SH3GL3: variants seen among roughly 807,000 people sequenced by gnomAD.
SH3GL3 encodes the protein endophilin-A3.
Under a neutral mutation model 47.7 loss-of-function variants are expected in SH3GL3, and 33 were observed. That is an observed-to-expected ratio of 0.69 (90% CI 0.52 to 0.92). The LOEUF (loss-of-function observed/expected upper bound fraction) is 0.92, where lower values mean the gene tolerates loss of function less well. Among genes scored for constraint, SH3GL3 ranks in the 40% least tolerant of loss-of-function variants. The pLI, the probability that SH3GL3 is intolerant of heterozygous loss-of-function variation, is 0.00. For missense variants in SH3GL3, 363 were observed against 417.8 expected (o/e 0.87, Z 1.14); for synonymous variants, 155 against 148.8 (o/e 1.04, Z -0.30).
At chr15:83,513,067 AGTT>A (rs1738039475) in intron 1 of SH3GL3, among the ~76,000 whole-genome samples, 1 of 152,130 alleles carries the variant, frequency 6.6e-6, no homozygotes, top group Non-Finnish European at 1.5e-5. Flanking sequence ...TTTGCACAAA[AGTT>A]GTACTTTTCC....
chr15:83,604,087 G>C (rs950680895), intron 8 of SH3GL3, among the ~76,000 whole-genome samples: 8 of 152,088 alleles, frequency 5.3e-5, no homozygotes, highest in African/African-American at 1.9e-4. Context: ...GTGAGGTTGT[G>C]GTGAGCCGAG....
chr15:83,494,973 C>T (rs774264888), intron 1 of SH3GL3, among the ~76,000 whole-genome samples: 2 of 152,128 alleles, frequency 1.3e-5, no homozygotes, highest in Non-Finnish European at 2.9e-5. Context: ...CACCTCCTCC[C>T]TCTCCCCCTT....
intron 1 of SH3GL3, among the ~76,000 whole-genome samples, chr15:83,558,322 T>G (rs1291077223): frequency 6.6e-6 from 1 of 152,228 alleles, no homozygotes; most frequent in Non-Finnish European, 1.5e-5. Context: ...AGAATCCCTG[T>G]GCTCTGGGCG....
chr15:83,540,709 G>A (rs2044114379), intron 1 of SH3GL3, among the ~76,000 whole-genome samples: 1 of 151,962 alleles, frequency 6.6e-6, no homozygotes. Flanking sequence ...CAATAAGTAA[G>A]GATTATTACA....
intron 6 of SH3GL3, among the ~76,000 whole-genome samples, 180 bp downstream of exon 6, chr15:83,576,921 A>ATTTTTTTTT (rs71156087): frequency 2.3e-5 from 2 of 86,564 alleles, no homozygotes; most frequent in Admixed American, 3.5e-4. Flanking sequence ...AAAAATCATA[A>ATTTTTTTTT]TTTTTTTTTT....
intron 1 of SH3GL3, among the ~76,000 whole-genome samples, chr15:83,551,727 G>A (rs919852950): frequency 6.6e-6 from 1 of 152,054 alleles, no homozygotes; most frequent in Non-Finnish European, 1.5e-5. Flanking sequence ...TTTCATTTAA[G>A]CTTCTGTTAC....
At chr15:83,581,715 C>CT in intron 6 of SH3GL3, among the ~76,000 whole-genome samples, 1 of 152,194 alleles carries the variant, frequency 6.6e-6, no homozygotes, top group East Asian at 1.9e-4. Context: ...CATGCTAACT[C>CT]TAACATTCCT....
At chr15:83,563,589 T>G (rs2045386111) in intron 2 of SH3GL3, among the ~76,000 whole-genome samples, 1 of 152,144 alleles carries the variant, frequency 6.6e-6, no homozygotes, top group Non-Finnish European at 1.5e-5. Context: ...TTATTTACAG[T>G]TCTGAATATT....
At chr15:83,495,741 GA>G (rs900931884) in intron 1 of SH3GL3, among the ~76,000 whole-genome samples, 1 of 150,320 alleles carries the variant, frequency 6.7e-6, no homozygotes, top group Non-Finnish European at 1.5e-5. Context: ...GGTCTCAAAA[GA>G]AAAAAAAATG....
intron 1 of SH3GL3, among the ~76,000 whole-genome samples, chr15:83,545,560 A>G (rs947950157): frequency 1.3e-5 from 2 of 152,032 alleles, no homozygotes; most frequent in Non-Finnish European, 2.9e-5. Flanking sequence ...TTTTTTCTGG[A>G]CGGTCTTGAT....
chr15:83,538,727 A>G (rs1417075999), intron 1 of SH3GL3, among the ~76,000 whole-genome samples: 2 of 152,134 alleles, frequency 1.3e-5, no homozygotes, highest in South Asian at 2.1e-4. Context: ...TTATAATACT[A>G]TATAGTGTTG....
chr15:83,600,295 T>TTATCTTC (rs2060346324), intron 8 of SH3GL3, among the ~76,000 whole-genome samples: 1 of 152,234 alleles, frequency 6.6e-6, no homozygotes, highest in African/African-American at 2.4e-5. Context: ...TTTTCCAATG[T>TTATCTTC]TATCTTCTAG....
intron 8 of SH3GL3, among the ~76,000 whole-genome samples, chr15:83,617,640 C>T (rs1429430858): frequency 1.3e-5 from 2 of 152,158 alleles, no homozygotes; most frequent in Non-Finnish European, 2.9e-5. Flanking sequence ...CGCACCATTG[C>T]ACTCCAGCCT....
chr15:83,472,563 CTCT>C (rs1246838479), intron 1 of SH3GL3, among the ~76,000 whole-genome samples: 2 of 151,902 alleles, frequency 1.3e-5, no homozygotes, highest in Admixed American at 6.6e-5. Context: ...TTCCATTTAG[CTCT>C]TCTTCATATG....
At chr15:83,595,926 T>A (rs889324489) in intron 8 of SH3GL3, among the ~76,000 whole-genome samples, 1 of 152,178 alleles carries the variant, frequency 6.6e-6, no homozygotes, top group African/African-American at 2.4e-5. Flanking sequence ...ATTTTATTGA[T>A]CTTAAAGAGC....
intron 1 of SH3GL3, among the ~76,000 whole-genome samples, chr15:83,532,764 T>TTGC (rs1027110955): frequency 7.2e-5 from 11 of 152,216 alleles, no homozygotes; most frequent in African/African-American, 2.4e-4. Flanking sequence ...CAGGGTCTTC[T>TTGC]TGCAATTCTC....
intron 1 of SH3GL3, 103 bp from the exon 2 acceptor site, chr15:83,559,150 C>A: frequency 1.4e-6 from 1 of 692,282 alleles, no homozygotes; most frequent in Non-Finnish European, 2.5e-6. Flanking sequence ...AAAAATCCAA[C>A]AAGTTGAATC....
intron 8 of SH3GL3, among the ~76,000 whole-genome samples, chr15:83,592,939 A>C (rs1221570942): frequency 4.7e-5 from 1 of 21,118 alleles, no homozygotes; most frequent in Non-Finnish European, 4.0e-4. Context: ...AGAACAAACA[A>C]AAAAAAAACA....
intron 8 of SH3GL3, among the ~76,000 whole-genome samples, chr15:83,591,667 T>G (rs2060101715): frequency 6.7e-6 from 1 of 150,066 alleles, no homozygotes; most frequent in South Asian, 2.1e-4. Context: ...TGTGTATACA[T>G]TTTTTTATTT....
Sources: allele counts gnomAD v4.1 joint callset (sites outside exome capture counted in the v4.1 genomes callset), GRCh38; gene constraint gnomAD v4.1.1; transcripts MANE v1.5; gene names NCBI Gene and HGNC (gene_info 2026-07-23, HGNC 2026-07-21).